DAB1: variants seen among roughly 807,000 people sequenced by gnomAD.
The protein encoded by DAB1 is DAB adaptor protein 1, also known as disabled homolog 1.
In DAB1, 15 loss-of-function variants were observed where a neutral mutation model predicts 64.6. The ratio of observed to expected loss-of-function variants is 0.23; its 90% CI spans 0.16 to 0.36. DAB1 has a LOEUF of 0.36. DAB1 is among the 10% of genes least tolerant of loss of function. DAB1 has a pLI of 1.00. For synonymous variants in DAB1, 235 were observed against 251.9 expected (o/e 0.93, Z 0.64); for missense variants, 596 against 706.7 (o/e 0.84, Z 1.78).
rs1177645972 is a variant in DAB1 at position 58,134,652 on chromosome 1, A to G, written n.387+15859T>C. On this transcript the variant is annotated intron_variant and non_coding_transcript_variant, in intron 5 of 20. Transcript: ENST00000485760. ...GCACATTTCACATGGCCAGCAGGAGAGAGACAGTGAAGGGGACGGTGATAC... is the reference window on the plus strand; with the variant it reads ...GCACATTTCACATGGCCAGCAGGAGGGAGACAGTGAAGGGGACGGTGATAC... 3.9e-5 allele frequency among the ~76,000 whole-genome samples: 6 copies of G among 152,310 alleles called. No homozygotes were observed. In the South Asian group the frequency reaches 8.3e-4, roughly 21 times the overall value.
chr1:57,761,489 G>T (rs1241309136), intron 6 of DAB1, among the ~76,000 whole-genome samples: 1 of 152,156 alleles, frequency 6.6e-6, no homozygotes, highest in Non-Finnish European at 1.5e-5. Context: ...CAATTCTGAG[G>T]TCTTATTGAT....
upstream of DAB1, among the ~76,000 whole-genome samples, chr1:57,888,381 G>C (rs1269728324): frequency 6.6e-6 from 1 of 152,036 alleles, no homozygotes; most frequent in Non-Finnish European, 1.5e-5. Flanking sequence ...CAGTAAACAA[G>C]CCCTCGATTC....
Position 57,065,785 on chromosome 1 carries a change from T to G in DAB1, c.664-2842A>C, listed in dbSNP as rs545707394. On this transcript the variant is annotated intron_variant, in intron 8 of 14. Transcript: ENST00000371236. ...CACAGGCTGCGACTCAGACAGTCGC[T>G]TTGCTCTCTGAACTTCAGTTGCCCC... is the stretch of plus-strand genomic sequence containing the variant. 4.6e-5 allele frequency among the ~76,000 whole-genome samples: 7 copies of G among 152,310 alleles called. No individual in the cohort carries two copies. In the South Asian group the frequency reaches 1.4e-3, roughly 32 times the overall value.
At chr1:57,747,216 G>A (rs974990435) in intron 6 of DAB1, among the ~76,000 whole-genome samples, 1 of 152,040 alleles carries the variant, frequency 6.6e-6, no homozygotes, top group African/African-American at 2.4e-5. Context: ...ATACATATTC[G>A]CCCCTTCTTG....
At chr1:58,223,522 A>T (rs186545499) in intron 4 of DAB1, among the ~76,000 whole-genome samples, 3 of 152,368 alleles carry the variant, frequency 2.0e-5, no homozygotes, top group African/African-American at 7.2e-5. Context: ...ATTCAATTGC[A>T]CAAGGCTGAT....
intron 4 of DAB1, among the ~76,000 whole-genome samples, chr1:58,322,981 A>G (rs1309326257): frequency 1.3e-5 from 2 of 151,844 alleles, no homozygotes; most frequent in East Asian, 3.9e-4. Context: ...TGAGCAAACT[A>G]TCGCAAGGAC....
chr1:57,226,161 A>G (rs1320768055), intron 2 of DAB1, among the ~76,000 whole-genome samples: 12 of 152,162 alleles, frequency 7.9e-5, no homozygotes, highest in Non-Finnish European at 1.8e-4. Context: ...ATTTAAGTAC[A>G]TCATCCATTC....
intron 7 of DAB1, among the ~76,000 whole-genome samples, chr1:57,608,156 T>C (rs1017967248): frequency 1.3e-5 from 2 of 152,176 alleles, no homozygotes; most frequent in African/African-American, 4.8e-5. Flanking sequence ...TACACACACA[T>C]ATATATACAT....
At chr1:57,421,322 T>TA (rs1684865491) in intron 1 of DAB1, among the ~76,000 whole-genome samples, 1 of 152,238 alleles carries the variant, frequency 6.6e-6, no homozygotes, top group African/African-American at 2.4e-5. Context: ...AAGTAATTTT[T>TA]ATTCAGATTT....
At chr1:57,076,732 T>C (rs1652029463) in intron 4 of DAB1, among the ~76,000 whole-genome samples, 1 of 152,236 alleles carries the variant, frequency 6.6e-6, no homozygotes, top group African/African-American at 2.4e-5. Context: ...AGCTCTGACA[T>C]GTTGCCCATC....
chr1:58,218,357 C>G (rs1303819086), intron 4 of DAB1, among the ~76,000 whole-genome samples: 1 of 152,118 alleles, frequency 6.6e-6, no homozygotes, highest in Non-Finnish European at 1.5e-5. Flanking sequence ...ATTCTAGAAC[C>G]CCTAGGGTCA....
chr1:57,883,889 T>A (rs1364399375), intron 1 of DAB1: 2 of 152,040 alleles, frequency 1.3e-5, no homozygotes, highest in African/African-American at 4.8e-5. Flanking sequence ...AAAGGAAGAG[T>A]ATTGGAGCCG....
At chr1:57,018,972 C>T (rs975341887) in intron 11 of DAB1, among the ~76,000 whole-genome samples, 2 of 152,118 alleles carry the variant, frequency 1.3e-5, no homozygotes, top group Admixed American at 6.5e-5. Flanking sequence ...CCCTGATTTG[C>T]TCTTGGAGAC....
In DAB1 at chr1:58,367,618, T is replaced by C. The variant is rs561458169; in HGVS notation, n.258-24215A>G. 2.4e-4 allele frequency among the ~76,000 whole-genome samples: 37 copies of C among 152,274 alleles called. No individual in the cohort carries two copies. In the South Asian group the frequency reaches 7.5e-3, roughly 31 times the overall value. ...TTGGTGGCAAGTTAATTATCATCAG[T>C]GCCCTTCTAACCTAGAGGGGGAAGT... On this transcript the variant is annotated intron_variant and non_coding_transcript_variant, in intron 3 of 20. Coordinates refer to the DAB1 transcript ENST00000485760.
chr1:57,887,660 G>C (rs542445067), upstream of DAB1, among the ~76,000 whole-genome samples: 1 of 152,240 alleles, frequency 6.6e-6, no homozygotes, highest in East Asian at 1.9e-4. Flanking sequence ...ATAAACTCAA[G>C]ACATTAACAG....
At chr1:58,036,048 G>A (rs1176274945) in intron 5 of DAB1, among the ~76,000 whole-genome samples, 3 of 152,138 alleles carry the variant, frequency 2.0e-5, no homozygotes, top group African/African-American at 4.8e-5. Context: ...CTATAGGAAT[G>A]AGGGAAAAAA....
At chr1:57,398,102 T>C (rs188203848) in intron 1 of DAB1, among the ~76,000 whole-genome samples, 13 of 152,362 alleles carry the variant, frequency 8.5e-5, no homozygotes, top group Admixed American at 7.8e-4. Flanking sequence ...ATACTAGATT[T>C]TTAAGGCTTT....
At chr1:58,323,166 T>C (rs866909350) in intron 4 of DAB1, among the ~76,000 whole-genome samples, 1 of 151,720 alleles carries the variant, frequency 6.6e-6, no homozygotes, top group Non-Finnish European at 1.5e-5. Context: ...GTGCAGCACA[T>C]CAACATGGCA....
intron 4 of DAB1, 99 bp from the exon 5 acceptor site, chr1:57,072,513 A>G (rs1651580601): frequency 2.9e-6 from 4 of 1,359,576 alleles, no homozygotes; most frequent in Non-Finnish European, 4.0e-6. Flanking sequence ...AACAGGCCCG[A>G]AGGGCTTTGG....
Sources: allele counts gnomAD v4.1 joint callset (sites outside exome capture counted in the v4.1 genomes callset), GRCh38; gene constraint gnomAD v4.1.1; transcripts MANE v1.5; gene names NCBI Gene and HGNC (gene_info 2026-07-23, HGNC 2026-07-21).